The following TRMT61A variants were observed in gnomAD, a reference collection of about 807,000 sequenced individuals.
TRMT61A encodes the protein tRNA (adenine(58)-N(1))-methyltransferase catalytic subunit TRMT61A.
In TRMT61A, 15 loss-of-function variants were observed where a neutral mutation model predicts 21.3. The observed-to-expected ratio is 0.70, with a 90% CI of 0.47 to 1.08. The LOEUF (loss-of-function observed/expected upper bound fraction) is 1.08, where lower values mean the gene tolerates loss of function less well. Ranked by LOEUF, TRMT61A falls within the 50% of genes least tolerant of loss-of-function variation. TRMT61A has a pLI of 0.00. For missense variants in TRMT61A, 352 were observed against 426.7 expected, an observed-to-expected ratio of 0.83 and a Z score of 1.54; for synonymous variants, 183 against 185.5, an observed-to-expected ratio of 0.99 and a Z score of 0.11.
In TRMT61A at chr14:103,535,444, C is replaced by T. The variant is rs948049463; in HGVS notation, c.*623C>T. ...CAGCACTGAGCTCAGCCCAGGCCTT[C>T]GTCCACTCATGTCCAAGAGGCGGGG... On this transcript the variant is annotated 3_prime_UTR_variant, in exon 4 of 4. Coordinates refer to ENST00000389749, the MANE Select transcript of TRMT61A (RefSeq NM_152307.3). The T allele has an allele frequency of 2.1e-5, 9 of 422,062 alleles. No individual in the cohort carries two copies. Among genetic ancestry groups the T allele is most frequent in the African/African-American group, 1.2e-4 (6 of 48,826 alleles). 26.1% of individuals were successfully genotyped at this position (422,062 alleles called of 1,614,324 possible).
In TRMT61A at chr14:103,532,825, C is replaced by G. The variant is rs1047674008; in HGVS notation, c.575C>G (p.Ala192Gly). 3.2e-6 allele frequency: 5 copies of G among 1,559,520 alleles called. No homozygotes were observed. Among genetic ancestry groups the G allele is most frequent in the Admixed American group, 3.8e-5 (2 of 52,752 alleles). Reference protein sequence around the residue: ...IPSPWEAVGHAWDALKVEGGR... With the variant: ...IPSPWEAVGHGWDALKVEGGR... ...TCACCCTGGGAGGCCGTGGGCCACG[C>G]CTGGGACGCCCTCAAGGTCGAAGGT... Residue 192 changes from alanine to glycine, a missense_variant, in exon 3 of 4, where the codon GCC becomes GGC. Ala to Gly is a moderately conservative substitution (Grantham distance 60). Coordinates refer to ENST00000389749, the MANE Select transcript of TRMT61A (RefSeq NM_152307.3).
rs754364939 is a variant in TRMT61A, at chr14:103,530,022, C to T, written c.44C>T (p.Thr15Met). ...AYEELIKEGD[T>M]AILSLGHGAM... ...GAGGAGCTGATCAAGGAGGGTGACA[C>T]GGCCATCCTGTCACTGGGCCATGGT... is the stretch of plus-strand genomic sequence containing the variant. The change falls in exon 2 of 4, where the codon ACG becomes ATG. Residue 15 changes from threonine (T) to methionine (M), a missense_variant. Coordinates refer to ENST00000389749, the MANE Select transcript of TRMT61A (RefSeq NM_152307.3). 2.5e-6 allele frequency: 4 copies of T among 1,612,364 alleles called. No homozygotes were observed. The highest frequency in any genetic ancestry group is 3.4e-6 in the Non-Finnish European group (4 of 1,179,534).
At chr14:103,532,188 A>C (rs4287497) in intron 2 of TRMT61A, among the ~76,000 whole-genome samples, 5 of 152,096 alleles carry the variant, frequency 3.3e-5, no homozygotes, top group East Asian at 3.9e-4. Flanking sequence ...CATGCATGGA[A>C]TAAGACAGGG....
Position 103,535,706 on chromosome 14 carries a change from G to T in TRMT61A, c.*885G>T, listed in dbSNP as rs1309575864. On this transcript the variant is annotated 3_prime_UTR_variant, in exon 4 of 4. Coordinates refer to ENST00000389749, the MANE Select transcript of TRMT61A (RefSeq NM_152307.3). Reference sequence around the variant, plus strand: ...GTGACAACGGTGTGGGGTAGGGGAGGTGCATTCAGGACACCACCCAGGGAC... The same window carrying T: ...GTGACAACGGTGTGGGGTAGGGGAGTTGCATTCAGGACACCACCCAGGGAC... 12 of 260,708 alleles carry T rather than the reference G, an allele frequency of 4.6e-5. No homozygotes were observed. The Admixed American group carries it at 6.0e-4, about 13-fold the overall frequency. 16.1% of individuals were successfully genotyped at this position (260,708 alleles called of 1,614,324 possible). A position where few individuals can be genotyped will look rare whatever the true frequency, so the allele number is the denominator to read the frequency against.
chr14:103,532,871 G>A (rs1222897947), intron 3 of TRMT61A, 23 bp downstream of exon 3: 2 of 1,527,558 alleles, frequency 1.3e-6, no homozygotes, highest in South Asian at 2.5e-5. Context: ...TTCCGGGAGA[G>A]GTACAGCCTG....
Position 103,530,535 on chromosome 14 carries a change from G to A in TRMT61A, c.331+226G>A, listed in dbSNP as rs76297837. ...GGTGGGAAATGGACCAGGAGGAGCTGGGGAGGACTGGTGCTCTAGTGAGGG... is the reference window on the plus strand; with the variant it reads ...GGTGGGAAATGGACCAGGAGGAGCTAGGGAGGACTGGTGCTCTAGTGAGGG... On this transcript the variant is annotated intron_variant, in intron 2 of 3. Coordinates refer to ENST00000389749, the MANE Select transcript of TRMT61A (RefSeq NM_152307.3). Among the ~76,000 whole-genome samples the A allele has an allele frequency of 2.6e-3, 403 of 152,304 alleles. 7 individuals are homozygous for A. The East Asian group carries it at 0.06, about 23-fold the overall frequency.
chr14:103,535,131 T>G lies in TRMT61A; in HGVS notation c.*310T>G, dbSNP rs1295784080. On this transcript the variant is annotated 3_prime_UTR_variant, in exon 4 of 4. Transcript: ENST00000389749. ...GCCAAAGGGTGCAGGTGGGGGAGTC[T>G]GACCCCCTCCCAGGTGGGCCTAAGC... The G allele has an allele frequency of 1.6e-6, 1 of 616,676 alleles. No homozygotes were observed. The highest frequency in any genetic ancestry group is 3.0e-6 in the Non-Finnish European group (1 of 329,130). The allele number at this position is 616,676 out of a possible 1,614,324, so 38.2% of individuals were successfully genotyped here.
At chr14:103,534,498 G>GAT in intron 3 of TRMT61A, 52 bp from the exon 4 acceptor site, 1 of 1,519,098 alleles carries the variant, frequency 6.6e-7, no homozygotes, top group Non-Finnish European at 8.8e-7. Flanking sequence ...GGGCCAGACG[G>GAT]GCCAGGCTCT....
At chr14:103,534,392 T>C (rs2142241281) in intron 3 of TRMT61A, among the ~76,000 whole-genome samples, 158 bp from the exon 4 acceptor site, 1 of 152,344 alleles carries the variant, frequency 6.6e-6, no homozygotes, top group African/African-American at 2.4e-5. Flanking sequence ...GCCAGGCCCC[T>C]CTGCCCTGCA....
intron 3 of TRMT61A, among the ~76,000 whole-genome samples, chr14:103,533,840 G>T (rs1247685814): frequency 6.6e-6 from 1 of 152,236 alleles, no homozygotes; most frequent in African/African-American, 2.4e-5. Flanking sequence ...CTAGGCTGTT[G>T]TCACACAGCA....
rs2075971450 is a variant in TRMT61A at position 103,535,654 on chromosome 14, C to G, written c.*833C>G. The G allele has an allele frequency of 3.2e-6, 1 of 308,452 alleles. No homozygotes were observed. The highest frequency in any genetic ancestry group is 2.2e-5 in the African/African-American group (1 of 45,486). The allele number at this position is 308,452 out of a possible 1,614,324, so 19.1% of individuals were successfully genotyped here. On this transcript the variant is annotated 3_prime_UTR_variant, in exon 4 of 4. Transcript: ENST00000389749. ...GGGTACCCCTACCCCTCACAGAAGCCAAGGGCATGGAGGAGGTCCCTCCAC... is the reference window on the plus strand; with the variant it reads ...GGGTACCCCTACCCCTCACAGAAGCGAAGGGCATGGAGGAGGTCCCTCCAC...
intron 3 of TRMT61A, 62 bp downstream of exon 3, chr14:103,532,910 G>C: frequency 6.7e-7 from 1 of 1,486,432 alleles, no homozygotes; most frequent in South Asian, 1.3e-5. Flanking sequence ...GTGCAGGACT[G>C]AGCTCCTGGG....
intron 3 of TRMT61A, 98 bp downstream of exon 3, chr14:103,532,946 C>T: frequency 7.0e-7 from 1 of 1,433,030 alleles, no homozygotes; most frequent in Non-Finnish European, 9.3e-7. Context: ...AGAGACCAAG[C>T]CACACCATGG....
chr14:103,535,022 C>G lies in TRMT61A; in HGVS notation c.*201C>G, dbSNP rs183831390. The G allele has an allele frequency of 1.4e-3, 1,049 of 730,408 alleles. 14 individuals carry two copies. In the East Asian group the frequency reaches 0.023, roughly 16 times the overall value. The allele number at this position is 730,408 out of a possible 1,614,324, so 45.2% of individuals were successfully genotyped here. On this transcript the variant is annotated 3_prime_UTR_variant, in exon 4 of 4. Coordinates refer to ENST00000389749, the MANE Select transcript of TRMT61A (RefSeq NM_152307.3). ...GTGCTGGGGCTGGGCCTCAGCCATT[C>G]CTGTCCAGCCCTGTGGCCCATCCCA...
At chr14:103,529,655 CCTCA>C (rs2075946831) in intron 1 of TRMT61A, among the ~76,000 whole-genome samples, 1 of 152,264 alleles carries the variant, frequency 6.6e-6, no homozygotes, top group Non-Finnish European at 1.5e-5. Flanking sequence ...AGGGTCGGGT[CCTCA>C]CTCCGGGAAT....
In TRMT61A at chr14:103,530,220, C is replaced by A; in HGVS notation, c.242C>A (p.Pro81Gln). 6.2e-7 allele frequency: 1 copy of A among 1,611,922 alleles called. No individual in the cohort carries two copies. Among genetic ancestry groups the A allele is most frequent in the Non-Finnish European group, 8.5e-7 (1 of 1,178,992 alleles). ...CCCGAGCTCTGGACGCTGAACCTGC[C>A]GCACCGCACGCAGATCCTCTACTCC... Reference protein sequence around the residue: ...PTPELWTLNLPHRTQILYSTD... With the variant: ...PTPELWTLNLQHRTQILYSTD... Residue 81 changes from proline to glutamine, a missense_variant, in exon 2 of 4, where the codon CCG becomes CAG. Pro to Gln is a moderately conservative substitution (Grantham distance 76). Transcript: ENST00000389749.
At position 103,531,094 on chromosome 14, in the gene TRMT61A, C is replaced by T. The variant is rs1010675365; in HGVS notation, c.331+785C>T. On this transcript the variant is annotated intron_variant, in intron 2 of 3. Coordinates refer to ENST00000389749, the MANE Select transcript of TRMT61A (RefSeq NM_152307.3). This position sits in a 1 kb window ranked among gnomAD's most constrained non-coding sequence, Gnocchi z 5.1. ...ATCCTGTGGTGGGTGCTGGCCTCTC[C>T]GCCCCTGCCCCACTCTCGCGAGAGA... Among the ~76,000 whole-genome samples, 4 of 152,152 alleles carry T rather than the reference C, an allele frequency of 2.6e-5. No homozygotes were observed. The South Asian group carries it at 8.3e-4, about 31-fold the overall frequency.
chr14:103,530,456 G>A, intron 2 of TRMT61A, 147 bp downstream of exon 2: 1 of 759,022 alleles, frequency 1.3e-6, no homozygotes. Context: ...AGGGAGTGAA[G>A]GTGGAGGCAG....
Position 103,535,458 on chromosome 14 carries a change from C to G in TRMT61A, c.*637C>G. ...GCCCAGGCCTTCGTCCACTCATGTC[C>G]AAGAGGCGGGGCATCCCCCACCCAG... is the stretch of plus-strand genomic sequence containing the variant. On this transcript the variant is annotated 3_prime_UTR_variant, in exon 4 of 4. Transcript: ENST00000389749. 1 of 405,800 alleles carries G rather than the reference C, an allele frequency of 2.5e-6. No homozygotes were observed. The highest frequency in any genetic ancestry group is 1.8e-5 in the South Asian group (1 of 56,670). The allele number at this position is 405,800 out of a possible 1,614,324, so 25.1% of individuals were successfully genotyped here.
Sources: gnomAD v4.1 joint callset for allele counts (sites outside exome capture counted in the v4.1 genomes callset) on GRCh38, gnomAD v4.1.1 for gene constraint, Gnocchi (gnomAD v3.1) non-coding constraint, MANE v1.5 for transcripts, NCBI Gene and HGNC (gene_info 2026-07-23, HGNC 2026-07-21) for gene names.